Variants in PEAK1 observed in about 807,000 individuals in gnomAD.
PEAK1 encodes pseudopodium enriched atypical kinase 1.
In PEAK1, 54 loss-of-function variants were observed where a neutral mutation model predicts 124.7. The observed-to-expected ratio is 0.43, with a 90% CI of 0.35 to 0.54. The LOEUF is 0.54. PEAK1 is among the 20% of genes least tolerant of loss of function. The probability of loss-of-function intolerance (pLI) is 0.01; values close to 1 mark genes in which losing one functional copy is unlikely to be tolerated. For missense variants in PEAK1, 2,046 were observed against 2,134.5 expected (o/e 0.96, Z 0.82); for synonymous variants, 719 against 760.0 (o/e 0.95, Z 0.89).
intron 1 of PEAK1, chr15:77,371,097 G>A: frequency 4.3e-6 from 4 of 938,408 alleles, no homozygotes; most frequent in Non-Finnish European, 5.1e-6. Context: ...TATAAATTCT[G>A]TGACTTTAAG....
chr15:77,247,924 T>C (rs2060671557), intron 6 of PEAK1, among the ~76,000 whole-genome samples: 1 of 152,236 alleles, frequency 6.6e-6, no homozygotes, highest in Non-Finnish European at 1.5e-5. Context: ...TTTTCTTTCT[T>C]GTAATCTATT....
chr15:77,280,674 T>C (rs956145379), intron 5 of PEAK1, among the ~76,000 whole-genome samples: 4 of 152,298 alleles, frequency 2.6e-5, no homozygotes, highest in African/African-American at 7.2e-5. Context: ...TATTTTAATG[T>C]ACTCAAGTTG....
At position 77,115,068 on chromosome 15, in the gene PEAK1, G is replaced by A; in HGVS notation, c.4329C>T (p.Ser1443=). Reference sequence around the variant, plus strand: ...TCATGACTCCCTGATTCTCTTTCTGGGATGATGCTGCTTCAGAACAGGGCT... The same window carrying A: ...TCATGACTCCCTGATTCTCTTTCTGAGATGATGCTGCTTCAGAACAGGGCT... The part of the protein sequence containing the change: ...NPKPCSEAAS[S]QKENQGVMSK... The change falls in exon 10 of 10, where the codon TCC becomes TCT. Residue 1443 remains serine (S), a synonymous_variant. Coordinates refer to ENST00000682557, the MANE Select transcript of PEAK1 (RefSeq NM_001385026.1). 2 of 1,614,074 alleles carry A rather than the reference G, an allele frequency of 1.2e-6. No homozygotes were observed. The highest frequency in any genetic ancestry group is 1.3e-5 in the African/African-American group (1 of 74,994).
chr15:77,113,908 A>G lies in PEAK1; in HGVS notation c.*248T>C, dbSNP rs1413339480. On this transcript the variant is annotated 3_prime_UTR_variant, in exon 10 of 10. Coordinates refer to ENST00000682557, the MANE Select transcript of PEAK1 (RefSeq NM_001385026.1). Reference sequence around the variant, plus strand: ...CCTGCATTTATGGGACTATTAGGATAGAAGGTGTTTCAAGGGAAGGCAACT... The same window carrying G: ...CCTGCATTTATGGGACTATTAGGATGGAAGGTGTTTCAAGGGAAGGCAACT... 1.9e-6 allele frequency: 1 copy of G among 521,260 alleles called. No individual in the cohort carries two copies. The highest frequency in any genetic ancestry group is 3.4e-6 in the Non-Finnish European group (1 of 293,208). The allele number at this position is 521,260 out of a possible 1,614,324, so 32.3% of individuals were successfully genotyped here.
chr15:77,409,191 C>A (rs2072191052), intron 1 of PEAK1, among the ~76,000 whole-genome samples: 1 of 150,516 alleles, frequency 6.6e-6, no homozygotes, highest in Admixed American at 6.7e-5. Flanking sequence ...TAAAAGTGCT[C>A]CTGTCAATGT....
chr15:77,334,472 T>A (rs769573556), intron 2 of PEAK1: 159 of 985,154 alleles, frequency 1.6e-4, no homozygotes, highest in Non-Finnish European at 1.9e-4. Flanking sequence ...TAGAGGAGAT[T>A]TAGTCAGATT....
intron 9 of PEAK1, among the ~76,000 whole-genome samples, chr15:77,119,296 T>C (rs1430410783): frequency 6.6e-6 from 1 of 152,224 alleles, no homozygotes; most frequent in African/African-American, 2.4e-5. Flanking sequence ...AGTCAGCTGG[T>C]ATATACATAT....
chr15:77,394,964 C>T (rs187474556), intron 1 of PEAK1, among the ~76,000 whole-genome samples: 59 of 152,166 alleles, frequency 3.9e-4, no homozygotes, highest in African/African-American at 1.3e-3. Flanking sequence ...TTACTGTACC[C>T]CATTAATGTA....
At chr15:77,278,576 G>C in intron 5 of PEAK1, 1 of 501,348 alleles carries the variant, frequency 2.0e-6, no homozygotes, top group East Asian at 5.4e-5. Context: ...TCCAAAGCCA[G>C]AGACCAAGCC....
chr15:77,361,779 G>C (rs779585759), intron 2 of PEAK1, among the ~76,000 whole-genome samples: 11 of 152,014 alleles, frequency 7.2e-5, no homozygotes, highest in Non-Finnish European at 1.0e-4. Context: ...GCACCTCCGT[G>C]TTTACTGTAG....
intron 6 of PEAK1, among the ~76,000 whole-genome samples, chr15:77,236,541 G>A (rs1004338282): frequency 2.0e-5 from 3 of 152,146 alleles, no homozygotes; most frequent in Non-Finnish European, 2.9e-5. Flanking sequence ...TGACTTTACA[G>A]GCTCATAGGT....
rs141143321 is a variant in PEAK1 at position 77,418,099 on chromosome 15, G to T, written c.-666+1907C>A. ...GGGTAGACTCTTAAAAATGAATTTT[G>T]AATGTTAATAGGCTACAAACATTAT... On this transcript the variant is annotated intron_variant, in intron 1 of 9. Coordinates refer to ENST00000682557, the MANE Select transcript of PEAK1 (RefSeq NM_001385026.1). 74 of 983,896 alleles carry T rather than the reference G, an allele frequency of 7.5e-5. No homozygotes were observed. The African/African-American group carries it at 1.2e-3, about 15-fold the overall frequency. 60.9% of individuals were successfully genotyped at this position (983,896 alleles called of 1,614,324 possible).
intron 6 of PEAK1, among the ~76,000 whole-genome samples, chr15:77,197,386 A>G (rs1367729404): frequency 6.6e-6 from 1 of 152,208 alleles, no homozygotes; most frequent in East Asian, 1.9e-4. Flanking sequence ...TATATTATCC[A>G]AACAGAATTT....
chr15:77,289,367 T>G (rs1484769763), intron 2 of PEAK1, among the ~76,000 whole-genome samples: 2 of 152,226 alleles, frequency 1.3e-5, no homozygotes, highest in Admixed American at 6.5e-5. Context: ...CTATTTCAAT[T>G]AGGTCAAGGG....
At chr15:77,417,028 G>GTTAA (rs1434316689) in intron 1 of PEAK1, among the ~76,000 whole-genome samples, 1 of 152,030 alleles carries the variant, frequency 6.6e-6, no homozygotes, top group African/African-American at 2.4e-5. Flanking sequence ...TCTGGACCTA[G>GTTAA]TTAACTCTTA....
chr15:77,397,877 T>G (rs995152279), intron 1 of PEAK1, among the ~76,000 whole-genome samples: 3 of 151,584 alleles, frequency 2.0e-5, no homozygotes, highest in Non-Finnish European at 4.4e-5. Context: ...CTGACCAACA[T>G]GGACAAACCC....
At chr15:77,203,230 A>G (rs1016293344) in intron 6 of PEAK1, among the ~76,000 whole-genome samples, 3 of 151,986 alleles carry the variant, frequency 2.0e-5, no homozygotes, top group African/African-American at 7.3e-5. Flanking sequence ...GACGTAAGAG[A>G]GGCAGGCACT....
chr15:77,245,623 C>T (rs1308989852), intron 6 of PEAK1, among the ~76,000 whole-genome samples: 1 of 151,990 alleles, frequency 6.6e-6, no homozygotes, highest in African/African-American at 2.4e-5. Flanking sequence ...CACTTGAACC[C>T]AGGAGGCAGA....
intron 5 of PEAK1, among the ~76,000 whole-genome samples, chr15:77,257,597 G>C (rs2061221562): frequency 6.6e-6 from 1 of 151,524 alleles, no homozygotes; most frequent in Non-Finnish European, 1.5e-5. Flanking sequence ...TTGTAAATTT[G>C]TTTGAGTTCA....
Sources: gnomAD v4.1 joint callset for allele counts (sites outside exome capture counted in the v4.1 genomes callset) on GRCh38, gnomAD v4.1.1 for gene constraint, MANE v1.5 for transcripts, NCBI Gene and HGNC (gene_info 2026-07-23, HGNC 2026-07-21) for gene names.